The following MCTP1 variants were observed in gnomAD, a reference collection of about 807,000 sequenced individuals.
MCTP1 encodes the protein multiple C2 and transmembrane domain-containing protein 1.
In MCTP1, 69 loss-of-function variants were observed where a neutral mutation model predicts 120.6. That is an observed-to-expected ratio of 0.57 (90% CI 0.47 to 0.70). MCTP1 has a LOEUF of 0.70. Ranked by LOEUF, MCTP1 falls within the 30% of genes least tolerant of loss-of-function variation. The pLI, the probability that MCTP1 is intolerant of heterozygous loss-of-function variation, is 0.00. For missense variants in MCTP1, 1,203 were observed against 1,248.8 expected (o/e 0.96, Z 0.55); for synonymous variants, 529 against 493.1 (o/e 1.07, Z -0.96).
chr5:94,985,802 A>C (rs2153605299), intron 2 of MCTP1, among the ~76,000 whole-genome samples: 1 of 152,318 alleles, frequency 6.6e-6, no homozygotes, highest in South Asian at 2.1e-4. Flanking sequence ...GTGTGTGTCT[A>C]TTACACTGTT....
chr5:95,122,277 T>A (rs552044362), intron 1 of MCTP1, among the ~76,000 whole-genome samples: 8 of 150,180 alleles, frequency 5.3e-5, no homozygotes, highest in African/African-American at 1.7e-4. Context: ...TCAGAATATA[T>A]AAGGAGCTCA....
chr5:94,931,901 A>T (rs1561878800), intron 6 of MCTP1, 52 bp downstream of exon 6: 8 of 1,354,592 alleles, frequency 5.9e-6, no homozygotes, highest in Admixed American at 1.7e-5. Context: ...GGGAAAGCAG[A>T]TGATAGTTCT....
intron 1 of MCTP1, among the ~76,000 whole-genome samples, chr5:95,128,966 C>A (rs536859433): frequency 6.6e-6 from 1 of 152,104 alleles, no homozygotes; most frequent in African/African-American, 2.4e-5. Context: ...ATAAGAAACG[C>A]CCCAAAAGAG....
At chr5:95,010,809 C>T (rs1835785978) in intron 2 of MCTP1, among the ~76,000 whole-genome samples, 1 of 152,088 alleles carries the variant, frequency 6.6e-6, no homozygotes, top group Admixed American at 6.6e-5. Flanking sequence ...ATAAGAAAAT[C>T]AATGGCACAC....
chr5:95,201,164 C>G (rs1265618273), intron 1 of MCTP1, among the ~76,000 whole-genome samples: 1 of 152,180 alleles, frequency 6.6e-6, no homozygotes, highest in Non-Finnish European at 1.5e-5. Context: ...ACTGCTGAGA[C>G]AGAATGCTGC....
At chr5:94,770,306 A>T (rs1225340635) in intron 19 of MCTP1, among the ~76,000 whole-genome samples, 1 of 152,222 alleles carries the variant, frequency 6.6e-6, no homozygotes, top group Non-Finnish European at 1.5e-5. Flanking sequence ...CAGGGCTGAC[A>T]CACTGCTATT....
chr5:94,865,755 C>A (rs1796682837), intron 17 of MCTP1, among the ~76,000 whole-genome samples: 1 of 151,882 alleles, frequency 6.6e-6, no homozygotes, highest in Non-Finnish European at 1.5e-5. Flanking sequence ...TTTAAAAGCT[C>A]TTTTAGAAAG....
chr5:94,967,702 A>G (rs1825941133), intron 2 of MCTP1, among the ~76,000 whole-genome samples: 1 of 152,232 alleles, frequency 6.6e-6, no homozygotes. Flanking sequence ...AGGATCTCCA[A>G]AAACGTATTA....
rs560555943 is a variant in MCTP1 at position 94,971,632 on chromosome 5, A to G, written c.839-18271T>C. 3.5e-4 allele frequency among the ~76,000 whole-genome samples: 53 copies of G among 152,272 alleles called. 1 individual carries two copies. The South Asian group carries it at 0.011, about 32-fold the overall frequency. On this transcript the variant is annotated intron_variant, in intron 2 of 22. Coordinates refer to ENST00000515393, the MANE Select transcript of MCTP1 (RefSeq NM_024717.7). ...ATTCAGAGTTGTTATAAATTCAATAATGGTATTATTTCCATTGCTAAATAT... is the reference window on the plus strand; with the variant it reads ...ATTCAGAGTTGTTATAAATTCAATAGTGGTATTATTTCCATTGCTAAATAT...
At chr5:94,898,242 A>G (rs984739440) in intron 10 of MCTP1, among the ~76,000 whole-genome samples, 1 of 152,200 alleles carries the variant, frequency 6.6e-6, no homozygotes. Flanking sequence ...AAAGTATTTA[A>G]TGACTTCAAG....
intron 17 of MCTP1, among the ~76,000 whole-genome samples, chr5:94,837,205 T>C (rs984944128): frequency 6.6e-6 from 1 of 151,844 alleles, no homozygotes; most frequent in South Asian, 2.1e-4. Flanking sequence ...TAGCAAGACC[T>C]CATCTCTACT....
In MCTP1 at chr5:94,714,791, G is replaced by A. The variant is rs756070123; in HGVS notation, c.2706C>T (p.Gly902=). ...CCGTCACTCACTTCTTTATCCTTTC[G>A]CCAAAGGAAGCCACTTCATCTAGGA... ...QNILDEVASF[G]ERIKNTFNWT... Residue 902 remains glycine, a synonymous_variant, in exon 20 of 23, where the codon GGC becomes GGT. Coordinates refer to ENST00000515393, the MANE Select transcript of MCTP1 (RefSeq NM_024717.7). The A allele has an allele frequency of 5.6e-6, 9 of 1,597,434 alleles. 1 individual carries two copies. Among genetic ancestry groups the A allele is most frequent in the South Asian group, 3.3e-5 (3 of 90,714 alleles).
chr5:94,802,922 A>G (rs540229245), intron 17 of MCTP1, among the ~76,000 whole-genome samples: 1 of 152,168 alleles, frequency 6.6e-6, no homozygotes, highest in Non-Finnish European at 1.5e-5. Context: ...TGATAAGGAC[A>G]CTCACAAATG....
chr5:95,063,568 A>C (rs1749813321), intron 1 of MCTP1, among the ~76,000 whole-genome samples: 1 of 152,202 alleles, frequency 6.6e-6, no homozygotes, highest in East Asian at 1.9e-4. Flanking sequence ...AGAAGATAGA[A>C]AAGGATTGTT....
intron 1 of MCTP1, among the ~76,000 whole-genome samples, chr5:95,040,361 C>A (rs563649559): frequency 6.6e-6 from 1 of 151,872 alleles, no homozygotes; most frequent in Non-Finnish European, 1.5e-5. Context: ...TCGCTTGAAC[C>A]TGAGAGGCGG....
At chr5:94,982,111 C>T (rs1829535415) in intron 2 of MCTP1, among the ~76,000 whole-genome samples, 2 of 152,090 alleles carry the variant, frequency 1.3e-5, no homozygotes, top group Admixed American at 1.3e-4. Flanking sequence ...TTAAGACTAG[C>T]TGGCCTGAAA....
Position 95,120,176 on chromosome 5 carries a change from CA to C in MCTP1, c.721-102693del, listed in dbSNP as rs56354602. Among the ~76,000 whole-genome samples, 306 of 118,198 alleles carry C rather than the reference CA, an allele frequency of 2.6e-3. 10 individuals are homozygous for C. Among genetic ancestry groups the C allele is most frequent in the African/African-American group, 9.5e-3 (280 of 29,532 alleles). 77.5% of individuals were successfully genotyped at this position (118,198 alleles called of 152,430 possible). On this transcript the variant is annotated intron_variant, in intron 1 of 22. Transcript: ENST00000515393. ...TGGGCGACAGAGCAAGACTCCATCT[CA>C]AAAAAAAAAAAAAAAAGTCTCCCAG...
intron 2 of MCTP1, among the ~76,000 whole-genome samples, chr5:94,960,814 A>G (rs1823946966): frequency 6.6e-6 from 1 of 152,158 alleles, no homozygotes; most frequent in Non-Finnish European, 1.5e-5. Flanking sequence ...ATGCTTTTAC[A>G]CTGTTGGTGG....
chr5:95,017,138 G>C (rs1655568428), intron 2 of MCTP1, among the ~76,000 whole-genome samples: 1 of 152,028 alleles, frequency 6.6e-6, no homozygotes, highest in South Asian at 2.1e-4. Flanking sequence ...AGTTTGATAG[G>C]GACTTTGCTG....
Sources: gnomAD v4.1 joint callset for allele counts (sites outside exome capture counted in the v4.1 genomes callset) on GRCh38, gnomAD v4.1.1 for gene constraint, MANE v1.5 for transcripts, NCBI Gene and HGNC (gene_info 2026-07-23, HGNC 2026-07-21) for gene names.